The following NKAIN3 variants were observed in gnomAD, a reference collection of about 807,000 sequenced individuals.
NKAIN3 encodes sodium/potassium transporting ATPase interacting 3.
A neutral mutation model predicts 30.2 loss-of-function variants in NKAIN3; 25 were observed. That is an observed-to-expected ratio of 0.83 (90% CI 0.60 to 1.16). The LOEUF is 1.16. Among genes scored for constraint, NKAIN3 ranks in the 50% most tolerant of loss-of-function variants. The pLI, the probability that NKAIN3 is intolerant of heterozygous loss-of-function variation, is 0.00. For synonymous variants in NKAIN3, 91 were observed against 89.6 expected, an observed-to-expected ratio of 1.02 and a Z score of -0.09; for missense variants, 225 against 254.1, an observed-to-expected ratio of 0.89 and a Z score of 0.78.
intron 1 of NKAIN3, among the ~76,000 whole-genome samples, chr8:62,400,453 T>C (rs1585765505): frequency 6.6e-6 from 1 of 152,176 alleles, no homozygotes; most frequent in South Asian, 2.1e-4. Flanking sequence ...ATTACAGGCA[T>C]GAGTCATGAC....
chr8:62,748,166 T>G (rs910929849), intron 4 of NKAIN3, among the ~76,000 whole-genome samples: 1 of 152,216 alleles, frequency 6.6e-6, no homozygotes, highest in African/African-American at 2.4e-5. Context: ...TTCTGCTTTA[T>G]GTGGTATTAG....
At chr8:62,560,039 G>A (rs1224982243) in intron 1 of NKAIN3, among the ~76,000 whole-genome samples, 3 of 152,076 alleles carry the variant, frequency 2.0e-5, no homozygotes, top group Non-Finnish European at 4.4e-5. Flanking sequence ...GCAGAATATA[G>A]GATACTTGGT....
At chr8:62,796,283 T>G (rs1042910352) in intron 4 of NKAIN3, among the ~76,000 whole-genome samples, 1 of 142,606 alleles carries the variant, frequency 7.0e-6, no homozygotes, top group African/African-American at 2.7e-5. Flanking sequence ...ACTCCAGAGG[T>G]TGGGACAGGA....
chr8:62,891,209 G>T (rs920858748), intron 4 of NKAIN3, among the ~76,000 whole-genome samples: 1 of 152,118 alleles, frequency 6.6e-6, no homozygotes, highest in Non-Finnish European at 1.5e-5. Flanking sequence ...CTGCTAGCAC[G>T]GCTGCAATAA....
intron 4 of NKAIN3, among the ~76,000 whole-genome samples, chr8:62,827,441 C>A (rs564967315): frequency 6.6e-6 from 1 of 152,144 alleles, no homozygotes; most frequent in East Asian, 1.9e-4. Context: ...TAATAATTAT[C>A]CATCAATTCT....
chr8:62,760,937 C>T (rs980159321), intron 4 of NKAIN3, among the ~76,000 whole-genome samples: 2 of 152,274 alleles, frequency 1.3e-5, no homozygotes, highest in Admixed American at 6.5e-5. Flanking sequence ...CTGCACCTGT[C>T]GGCAAGGTGG....
intron 1 of NKAIN3, among the ~76,000 whole-genome samples, chr8:62,525,847 C>A (rs1808289731): frequency 6.6e-6 from 1 of 152,086 alleles, no homozygotes; most frequent in Non-Finnish European, 1.5e-5. Context: ...GTTTTCCTAT[C>A]TAAAGTTTCA....
intron 3 of NKAIN3, among the ~76,000 whole-genome samples, chr8:62,739,074 T>C (rs539708938): frequency 1.3e-5 from 2 of 152,074 alleles, no homozygotes; most frequent in African/African-American, 2.4e-5. Context: ...TGAGAACACA[T>C]GGACACAGGG....
At chr8:62,378,779 A>G (rs1318133710) in intron 1 of NKAIN3, among the ~76,000 whole-genome samples, 1 of 152,176 alleles carries the variant, frequency 6.6e-6, no homozygotes, top group Non-Finnish European at 1.5e-5. Context: ...TGCTGCAGGG[A>G]TGGAGCCCTC....
intron 1 of NKAIN3, among the ~76,000 whole-genome samples, chr8:62,496,545 CTTCAAGAAG>C (rs1033676711): frequency 3.3e-5 from 5 of 152,144 alleles, no homozygotes; most frequent in Non-Finnish European, 7.4e-5. Context: ...CATAAAACTG[CTTCAAGAAG>C]TTCAATATGA....
At chr8:62,836,433 G>A (rs2130752886) in intron 4 of NKAIN3, among the ~76,000 whole-genome samples, 1 of 152,082 alleles carries the variant, frequency 6.6e-6, no homozygotes, top group South Asian at 2.1e-4. Flanking sequence ...TTTGTATGGT[G>A]TCCTGTGACA....
intron 3 of NKAIN3, among the ~76,000 whole-genome samples, chr8:62,605,673 A>ATTTACACTATATTTATTTATATTTAT (rs1811103465): frequency 6.6e-6 from 1 of 152,132 alleles, no homozygotes; most frequent in Non-Finnish European, 1.5e-5. Flanking sequence ...CTATTTACAT[A>ATTTACACTATATTTATTTATATTTAT]GTATTTACAC....
intron 1 of NKAIN3, among the ~76,000 whole-genome samples, chr8:62,526,933 G>A (rs941172422): frequency 1.3e-5 from 2 of 152,102 alleles, no homozygotes; most frequent in Non-Finnish European, 2.9e-5. Flanking sequence ...ACTTGCACCC[G>A]CTAAATAAGC....
At chr8:62,371,776 C>T (rs1585733688) in intron 1 of NKAIN3, among the ~76,000 whole-genome samples, 1 of 151,310 alleles carries the variant, frequency 6.6e-6, no homozygotes, top group African/African-American at 2.4e-5. Flanking sequence ...TTTCACATAC[C>T]CCTATTTTAT....
At chr8:62,477,497 T>C (rs1806559360) in intron 1 of NKAIN3, among the ~76,000 whole-genome samples, 1 of 152,150 alleles carries the variant, frequency 6.6e-6, no homozygotes, top group Admixed American at 6.5e-5. Context: ...CCTCCCTGCC[T>C]CAGAGTCCGG....
At position 62,973,515 on chromosome 8, in the gene NKAIN3, T is replaced by G. The variant is rs1413444807; in HGVS notation, c.*8108T>G. 6.6e-5 allele frequency among the ~76,000 whole-genome samples: 10 copies of G among 151,798 alleles called. No homozygotes were observed. The highest frequency in any genetic ancestry group is 2.1e-4 in the South Asian group (1 of 4,808). On this transcript the variant is annotated 3_prime_UTR_variant, in exon 7 of 7. Transcript: ENST00000623646. ...CTTAACCCACTTTTTGATGGAGTTG[T>G]TTTTTTTCTTGTAAATTTGTTTAAG...
At chr8:62,818,776 G>T (rs1177026094) in intron 4 of NKAIN3, among the ~76,000 whole-genome samples, 1 of 152,040 alleles carries the variant, frequency 6.6e-6, no homozygotes, top group African/African-American at 2.4e-5. Flanking sequence ...TTGTCTTTGT[G>T]ACTCAGTTAC....
intron 4 of NKAIN3, among the ~76,000 whole-genome samples, chr8:62,771,696 A>C (rs1817016895): frequency 6.6e-6 from 1 of 152,178 alleles, no homozygotes; most frequent in Non-Finnish European, 1.5e-5. Flanking sequence ...AGGTAGGATA[A>C]ACACAAGGAG....
At chr8:62,749,832 G>A (rs1204914642) in intron 4 of NKAIN3, among the ~76,000 whole-genome samples, 2 of 151,536 alleles carry the variant, frequency 1.3e-5, no homozygotes, top group Non-Finnish European at 2.9e-5. Context: ...ACAGGTGCAC[G>A]CCGCCACGTC....
Sources: gnomAD v4.1 joint callset for allele counts (sites outside exome capture counted in the v4.1 genomes callset) on GRCh38, gnomAD v4.1.1 for gene constraint, MANE v1.5 for transcripts, NCBI Gene and HGNC (gene_info 2026-07-23, HGNC 2026-07-21) for gene names.